Variants in SDK1 observed in about 807,000 individuals in gnomAD.
SDK1 encodes protein sidekick-1.
Under a neutral mutation model 245.5 loss-of-function variants are expected in SDK1, and 157 were observed. That is an observed-to-expected ratio of 0.64 (90% CI 0.56 to 0.73). The LOEUF is 0.73. Ranked by LOEUF, SDK1 falls within the 30% of genes least tolerant of loss-of-function variation. The pLI is 0.00. For missense variants in SDK1, 3,583 were observed against 3,002.3 expected (o/e 1.19, Z -4.52); for synonymous variants, 1,647 against 1,278.5 (o/e 1.29, Z -6.15).
At chr7:4,042,029 G>T (rs865807714) in intron 17 of SDK1, among the ~76,000 whole-genome samples, 2 of 135,932 alleles carry the variant, frequency 1.5e-5, no homozygotes, top group South Asian at 2.3e-4. Flanking sequence ...GGCCCGGATG[G>T]TCTCTATCTC....
chr7:3,655,494 T>TGTATGTATGTATGTATGC (rs1368456732), intron 4 of SDK1, among the ~76,000 whole-genome samples: 6 of 72,434 alleles, frequency 8.3e-5, no homozygotes, highest in African/African-American at 2.2e-4. Flanking sequence ...TATATATATA[T>TGTATGTATGTATGTATGC]ATATATATAT....
intron 35 of SDK1, among the ~76,000 whole-genome samples, chr7:4,203,557 G>T (rs1028713274): frequency 6.6e-6 from 1 of 151,462 alleles, no homozygotes; most frequent in African/African-American, 2.4e-5. Flanking sequence ...TTCCAAGCTG[G>T]TATGTATGTC....
chr7:3,732,153 G>C (rs569900913), intron 4 of SDK1, among the ~76,000 whole-genome samples: 1 of 152,222 alleles, frequency 6.6e-6, no homozygotes. Flanking sequence ...ACTACACAGA[G>C]TTCCAGTGGG....
intron 1 of SDK1, among the ~76,000 whole-genome samples, chr7:3,572,721 G>T (rs565032492): frequency 9.2e-5 from 14 of 152,124 alleles, no homozygotes; most frequent in Admixed American, 7.9e-4. Context: ...AGGATTTAAC[G>T]GTGAGCTAGG....
chr7:3,696,578 G>GTGTGTGTGTT lies in SDK1; in HGVS notation c.713+54482_713+54483insTTGTGTGTGT, dbSNP rs1230651066. ...AGCTTACATTTCTCTGTGTTTGTGTGTGTGTGTGTGTGTGTGTGTGTGTTG... is the reference window on the plus strand; with the variant it reads ...AGCTTACATTTCTCTGTGTTTGTGTGTGTGTGTGTTTGTGTGTGTGTGTGTGTGTGTGTTG... On this transcript the variant is annotated intron_variant, in intron 4 of 44. Coordinates refer to ENST00000404826, the MANE Select transcript of SDK1 (RefSeq NM_152744.4). Among the ~76,000 whole-genome samples the GTGTGTGTGTT allele has an allele frequency of 1.2e-3, 185 of 151,260 alleles. 3 individuals carry two copies. The highest frequency in any genetic ancestry group is 4.3e-3 in the African/African-American group (177 of 41,212).
intron 1 of SDK1, among the ~76,000 whole-genome samples, chr7:3,553,011 A>G (rs1462297905): frequency 6.6e-6 from 1 of 152,196 alleles, no homozygotes; most frequent in African/African-American, 2.4e-5. Flanking sequence ...TAGTTGAAGA[A>G]CATTTGGAAA....
chr7:4,027,304 T>A (rs1463391504), intron 17 of SDK1, among the ~76,000 whole-genome samples: 1 of 152,214 alleles, frequency 6.6e-6, no homozygotes, highest in African/African-American at 2.4e-5. Flanking sequence ...CTTTAGTAAA[T>A]AGAACTGGGC....
At chr7:3,755,298 C>T (rs908853310) in intron 4 of SDK1, among the ~76,000 whole-genome samples, 6 of 152,134 alleles carry the variant, frequency 3.9e-5, no homozygotes, top group Non-Finnish European at 8.8e-5. Flanking sequence ...GGTTGGGGAG[C>T]GAAAATAGGG....
At chr7:3,530,357 T>G (rs1783300971) in intron 1 of SDK1, among the ~76,000 whole-genome samples, 1 of 152,162 alleles carries the variant, frequency 6.6e-6, no homozygotes, top group African/African-American at 2.4e-5. Flanking sequence ...AATGAAAGTT[T>G]ATGGATTTTA....
chr7:3,780,329 G>T (rs939447702), intron 4 of SDK1, among the ~76,000 whole-genome samples: 2 of 152,188 alleles, frequency 1.3e-5, no homozygotes, highest in Non-Finnish European at 2.9e-5. Context: ...GCCCACTCTG[G>T]TCTCACCTCT....
intron 19 of SDK1, among the ~76,000 whole-genome samples, chr7:4,060,247 C>T (rs894131457): frequency 4.6e-5 from 7 of 152,176 alleles, no homozygotes; most frequent in South Asian, 4.2e-4. Flanking sequence ...ACAGCAAAAG[C>T]GATGCTAAGA....
At chr7:3,463,721 C>T (rs1482030163) in intron 1 of SDK1, among the ~76,000 whole-genome samples, 2 of 152,154 alleles carry the variant, frequency 1.3e-5, no homozygotes, top group Non-Finnish European at 2.9e-5. Flanking sequence ...CATTCATTTC[C>T]CCCTCTCTGC....
At chr7:3,682,483 A>C (rs898827832) in intron 4 of SDK1, among the ~76,000 whole-genome samples, 9 of 6,394 alleles carry the variant, frequency 1.4e-3, no homozygotes, top group African/African-American at 5.1e-3. Flanking sequence ...GTTCCCACGG[A>C]GGCGCTCGTA....
chr7:3,444,217 T>C (rs939812211), intron 1 of SDK1, among the ~76,000 whole-genome samples: 7 of 152,216 alleles, frequency 4.6e-5, no homozygotes, highest in Non-Finnish European at 1.0e-4. Flanking sequence ...TTGGCCTTCT[T>C]CTTTGGGTGG....
At chr7:3,438,946 G>A (rs768544645) in intron 1 of SDK1, among the ~76,000 whole-genome samples, 7 of 149,196 alleles carry the variant, frequency 4.7e-5, no homozygotes, top group Non-Finnish European at 8.9e-5. Context: ...TCTGCCTCCT[G>A]GGTTGAAGTG....
chr7:3,878,178 A>G (rs1583503541), intron 5 of SDK1, among the ~76,000 whole-genome samples: 1 of 152,324 alleles, frequency 6.6e-6, no homozygotes, highest in South Asian at 2.1e-4. Context: ...GTATCTTTTC[A>G]ATTTTTTTTT....
intron 1 of SDK1, among the ~76,000 whole-genome samples, chr7:3,435,221 G>T (rs1238703666): frequency 6.7e-6 from 1 of 148,622 alleles, no homozygotes; most frequent in Non-Finnish European, 1.5e-5. Context: ...TTGGGAGAAA[G>T]CAAAATATTA....
chr7:3,387,918 A>G (rs950675166), intron 1 of SDK1, among the ~76,000 whole-genome samples: 3 of 152,242 alleles, frequency 2.0e-5, no homozygotes, highest in Admixed American at 2.0e-4. Flanking sequence ...CATGAGAAAA[A>G]TGTGCTACAT....
intron 1 of SDK1, among the ~76,000 whole-genome samples, chr7:3,382,592 T>C (rs1238206256): frequency 6.6e-6 from 1 of 152,212 alleles, no homozygotes; most frequent in Non-Finnish European, 1.5e-5. Flanking sequence ...TTTTGAAATA[T>C]TTGCAGTCTT....
Sources: gnomAD v4.1 joint callset for allele counts (sites outside exome capture counted in the v4.1 genomes callset) on GRCh38, gnomAD v4.1.1 for gene constraint, MANE v1.5 for transcripts, NCBI Gene and HGNC (gene_info 2026-07-23, HGNC 2026-07-21) for gene names.